STEAP1B: variants seen among roughly 807,000 people sequenced by gnomAD.
The protein encoded by STEAP1B is STEAP family protein MGC87042.
STEAP1B carries 13 observed loss-of-function variants against 27.9 expected under a neutral mutation model. That is an observed-to-expected ratio of 0.47 (90% CI 0.30 to 0.74). The LOEUF (loss-of-function observed/expected upper bound fraction) is 0.74, where lower values mean the gene tolerates loss of function less well. STEAP1B is among the 30% of genes least tolerant of loss of function. The pLI, the probability that STEAP1B is intolerant of heterozygous loss-of-function variation, is 0.06. For missense variants in STEAP1B, 250 were observed against 298.7 expected, an observed-to-expected ratio of 0.84 and a Z score of 1.20; for synonymous variants, 86 against 107.1, an observed-to-expected ratio of 0.80 and a Z score of 1.22.
intron 2 of STEAP1B, 52 bp from the exon 3 acceptor site, chr7:22,493,888 T>A: frequency 6.6e-7 from 1 of 1,509,538 alleles, no homozygotes. Context: ...CAATGGGATA[T>A]CTCTTGAACT....
chr7:22,459,578 T>C (rs932021202), intron 4 of STEAP1B, among the ~76,000 whole-genome samples: 3 of 152,234 alleles, frequency 2.0e-5, no homozygotes, highest in Non-Finnish European at 4.4e-5. Flanking sequence ...GTTACACATA[T>C]AGTAAATGAT....
chr7:22,451,853 T>A lies in STEAP1B; in HGVS notation c.763-32017A>T, dbSNP rs570388969. Among the ~76,000 whole-genome samples the A allele has an allele frequency of 3.9e-5, 6 of 152,328 alleles. No homozygotes were observed. The South Asian group carries it at 8.3e-4, about 21-fold the overall frequency. ...TGGCCTGTAGTGTTTTGTGGTTTTTTAAAAATGTATCTTTGTCTGGTTTTA... is the reference window on the plus strand; with the variant it reads ...TGGCCTGTAGTGTTTTGTGGTTTTTAAAAAATGTATCTTTGTCTGGTTTTA... On this transcript the variant is annotated intron_variant, in intron 4 of 4. Coordinates refer to ENST00000678116, the MANE Select transcript of STEAP1B (RefSeq NM_001382447.1).
intron 4 of STEAP1B, among the ~76,000 whole-genome samples, chr7:22,458,701 A>T (rs1339130881): frequency 6.6e-6 from 1 of 152,208 alleles, no homozygotes; most frequent in African/African-American, 2.4e-5. Flanking sequence ...GAGGGGAACT[A>T]TAGGACTTTA....
At chr7:22,477,731 G>GT (rs879851121) in intron 4 of STEAP1B, among the ~76,000 whole-genome samples, 129 of 147,534 alleles carry the variant, frequency 8.7e-4, no homozygotes, top group Non-Finnish European at 8.4e-4. Context: ...TCAACAAGAG[G>GT]TTTTTTTTTT....
intron 1 of STEAP1B, among the ~76,000 whole-genome samples, chr7:22,495,973 T>C (rs1171350956): frequency 3.3e-5 from 5 of 152,192 alleles, no homozygotes. Flanking sequence ...GAGCTAACTG[T>C]AAACAGCCCT....
rs1054251886 is a variant in STEAP1B, at chr7:22,421,757, G to A, written c.763-1921C>T. Among the ~76,000 whole-genome samples, 7 of 151,916 alleles carry A rather than the reference G, an allele frequency of 4.6e-5. No homozygotes were observed. In the South Asian group the frequency reaches 6.3e-4, roughly 14 times the overall value. On this transcript the variant is annotated intron_variant, in intron 4 of 4. Transcript: ENST00000678116. Reference sequence around the variant, plus strand: ...CATGAATCATTAGCATTCAGAAGGCGGCTACCCACCATAGACATCCTTGCT... The same window carrying A: ...CATGAATCATTAGCATTCAGAAGGCAGCTACCCACCATAGACATCCTTGCT...
At chr7:22,471,762 A>T (rs1372214076) in intron 4 of STEAP1B, among the ~76,000 whole-genome samples, 5 of 152,014 alleles carry the variant, frequency 3.3e-5, no homozygotes, top group Non-Finnish European at 5.9e-5. Context: ...AGTTAGCCAG[A>T]TGTGGTGCTA....
At chr7:22,478,563 T>C (rs1786013653) in intron 4 of STEAP1B, among the ~76,000 whole-genome samples, 1 of 152,186 alleles carries the variant, frequency 6.6e-6, no homozygotes, top group Non-Finnish European at 1.5e-5. Flanking sequence ...AACTTGGCCA[T>C]TGGGCATTTG....
intron 4 of STEAP1B, among the ~76,000 whole-genome samples, chr7:22,469,451 G>A (rs1424253776): frequency 6.6e-6 from 1 of 152,146 alleles, no homozygotes; most frequent in African/African-American, 2.4e-5. Context: ...TTAGTGTACA[G>A]AATGTCCTAA....
At chr7:22,466,692 A>G (rs1187231311) in intron 4 of STEAP1B, among the ~76,000 whole-genome samples, 3 of 152,236 alleles carry the variant, frequency 2.0e-5, no homozygotes, top group Non-Finnish European at 4.4e-5. Flanking sequence ...ACAATTGTTA[A>G]AAGTAACACA....
chr7:22,441,308 T>C (rs536079489), intron 4 of STEAP1B, among the ~76,000 whole-genome samples: 16 of 152,290 alleles, frequency 1.1e-4, no homozygotes, highest in African/African-American at 3.6e-4. Flanking sequence ...TCCCACCCTA[T>C]TGGACTTCCT....
At chr7:22,469,182 T>C (rs1418781662) in intron 4 of STEAP1B, among the ~76,000 whole-genome samples, 1 of 152,174 alleles carries the variant, frequency 6.6e-6, no homozygotes, top group East Asian at 1.9e-4. Flanking sequence ...GGCCTAGGCC[T>C]ATGTGTATGT....
intron 4 of STEAP1B, among the ~76,000 whole-genome samples, chr7:22,432,960 C>A (rs1454473407): frequency 6.6e-6 from 1 of 152,176 alleles, no homozygotes; most frequent in Non-Finnish European, 1.5e-5. Flanking sequence ...ATGAGCTCAA[C>A]CTCAGGTAGA....
intron 4 of STEAP1B, among the ~76,000 whole-genome samples, chr7:22,468,384 C>CT (rs1785822616): frequency 6.6e-6 from 1 of 152,092 alleles, no homozygotes. Context: ...CCCAAAAAAT[C>CT]TGTCAGTACC....
intron 4 of STEAP1B, among the ~76,000 whole-genome samples, chr7:22,455,084 C>T (rs1039768781): frequency 4.6e-5 from 7 of 152,038 alleles, no homozygotes; most frequent in Middle Eastern, 3.4e-3. Flanking sequence ...AGGATGGTCT[C>T]GATCTCTTCA....
chr7:22,469,116 G>C (rs1287856887), intron 4 of STEAP1B, among the ~76,000 whole-genome samples: 2 of 152,278 alleles, frequency 1.3e-5, no homozygotes, highest in East Asian at 1.9e-4. Context: ...AGACCTTTCA[G>C]TGGGACAAGA....
At chr7:22,482,927 T>A (rs934572357) in intron 4 of STEAP1B, among the ~76,000 whole-genome samples, 2 of 152,186 alleles carry the variant, frequency 1.3e-5, no homozygotes, top group African/African-American at 4.8e-5. Context: ...TCCCTGGGAA[T>A]AGATTTGTAA....
intron 4 of STEAP1B, among the ~76,000 whole-genome samples, chr7:22,456,094 C>G (rs926572734): frequency 1.3e-5 from 2 of 152,082 alleles, no homozygotes; most frequent in East Asian, 3.9e-4. Context: ...TTGCAGTGAG[C>G]TGAGATTGCG....
chr7:22,496,643 A>G (rs1281151506), intron 1 of STEAP1B, among the ~76,000 whole-genome samples: 4 of 152,246 alleles, frequency 2.6e-5, no homozygotes, highest in African/African-American at 9.6e-5. Flanking sequence ...CACAGTATTC[A>G]GCACGGTAAC....
Sources: allele counts gnomAD v4.1 joint callset (sites outside exome capture counted in the v4.1 genomes callset), GRCh38; gene constraint gnomAD v4.1.1; transcripts MANE v1.5; gene names NCBI Gene and HGNC (gene_info 2026-07-23, HGNC 2026-07-21).